The following OTC variants were observed in gnomAD, a reference collection of about 807,000 sequenced individuals.
OTC encodes ornithine transcarbamylase.
In OTC, 3 loss-of-function variants were observed where a neutral mutation model predicts 30.3. The ratio of observed to expected loss-of-function variants is 0.10; its 90% CI spans 0.05 to 0.26. The LOEUF (loss-of-function observed/expected upper bound fraction) is 0.26. OTC is among the 10% of genes least tolerant of loss of function. The pLI, the probability that OTC is intolerant of heterozygous loss-of-function variation, is 1.00. For missense variants in OTC, 194 were observed against 260.3 expected (o/e 0.75, Z 1.75); for synonymous variants, 111 against 99.7 (o/e 1.11, Z -0.67).
intron 4 of OTC, among the ~76,000 whole-genome samples, chrX:38,394,304 A>G (rs2068443847): frequency 8.9e-6 from 1 of 112,530 alleles, no homozygotes; most frequent in African/African-American, 3.2e-5. Flanking sequence ...CTTTTATAAC[A>G]GTTAAAATAA....
intron 8 of OTC, among the ~76,000 whole-genome samples, chrX:38,411,162 T>C (rs1327584539): frequency 1.8e-5 from 2 of 110,781 alleles, no homozygotes; most frequent in African/African-American, 6.5e-5. Flanking sequence ...AAAATAATAA[T>C]TTGGAGATCA....
chrX:38,367,506 G>A, intron 2 of OTC, 77 bp downstream of exon 2: 4 of 881,469 alleles, frequency 4.5e-6, no homozygotes, highest in Middle Eastern at 3.5e-4. Flanking sequence ...AAGAAAGAGG[G>A]AAAAAAATAC....
chrX:38,373,940 G>A (rs973829475), intron 3 of OTC, among the ~76,000 whole-genome samples: 2 of 111,899 alleles, frequency 1.8e-5, no homozygotes, highest in African/African-American at 3.3e-5. Flanking sequence ...CGAGGCAGGT[G>A]GATCACGAGG....
intron 6 of OTC, among the ~76,000 whole-genome samples, chrX:38,404,040 G>A (rs2068504148): frequency 8.9e-6 from 1 of 112,268 alleles, no homozygotes; most frequent in South Asian, 3.7e-4. Context: ...GACTGGCATT[G>A]TGCATTACCA....
At chrX:38,331,831 C>G in the OTC span, among the ~76,000 whole-genome samples, 1 of 111,185 alleles carries the variant, frequency 9.0e-6, no homozygotes, top group African/African-American at 3.3e-5. Flanking sequence ...ATCCGCCTAC[C>G]TCAGCCTCCT....
At chrX:38,339,431 G>A in the OTC span, among the ~76,000 whole-genome samples, 1 of 110,065 alleles carries the variant, frequency 9.1e-6, no homozygotes, top group Non-Finnish European at 1.9e-5. Context: ...TAGGTTCAGA[G>A]GTACATGTTC....
At chrX:38,354,753 G>T (rs1435551256) in intron 1 of OTC, among the ~76,000 whole-genome samples, 1 of 111,633 alleles carries the variant, frequency 9.0e-6, no homozygotes, top group Admixed American at 9.6e-5. Flanking sequence ...ATTGAAAAAT[G>T]AGATAATGTT....
intron 4 of OTC, among the ~76,000 whole-genome samples, chrX:38,383,730 G>A (rs1287193892): frequency 9.1e-6 from 1 of 109,575 alleles, no homozygotes; most frequent in Non-Finnish European, 1.9e-5. Context: ...CTCGGGAGGC[G>A]GAGGTTGCAG....
At chrX:38,334,942 T>C in the OTC span, among the ~76,000 whole-genome samples, 1,974 of 111,802 alleles carry the variant, frequency 0.018, 41 homozygotes, top group African/African-American at 0.061. Context: ...TAGTGAACTG[T>C]GCATGTGAGG....
intron 3 of OTC, among the ~76,000 whole-genome samples, chrX:38,374,374 A>G (rs1224483765): frequency 9.1e-6 from 1 of 109,464 alleles, no homozygotes; most frequent in African/African-American, 3.3e-5. Context: ...GATGCCCCTC[A>G]TAAGCACGTA....
chrX:38,415,754 C>T (rs946592232), intron 9 of OTC, among the ~76,000 whole-genome samples: 3 of 111,713 alleles, frequency 2.7e-5, no homozygotes, highest in African/African-American at 9.8e-5. Context: ...ACTCAGGAGG[C>T]TGAGGCAGGA....
intron 1 of OTC, among the ~76,000 whole-genome samples, chrX:38,353,396 GA>G (rs1423279737): frequency 6.3e-5 from 3 of 47,908 alleles, no homozygotes; most frequent in African/African-American, 7.2e-5. Context: ...GTGGGGAAGG[GA>G]AAGGGGAAGG....
chrX:38,331,139 C>G, the OTC span, among the ~76,000 whole-genome samples: 1 of 112,016 alleles, frequency 8.9e-6, no homozygotes, highest in African/African-American at 3.2e-5. Context: ...GGTCAATAAA[C>G]CTATAAAAAT....
chrX:38,416,835 C>T (rs1241929260), intron 9 of OTC, among the ~76,000 whole-genome samples: 1 of 112,199 alleles, frequency 8.9e-6, no homozygotes, highest in African/African-American at 3.2e-5. Flanking sequence ...ATAAGGTTGA[C>T]ACAATCCATA....
rs2068544820 is a variant in OTC, at chrX:38,411,883, G to A, written c.889G>A (p.Asp297Asn). Reference protein sequence around the residue: ...TMKTAKVAASDWTFLHCLPRK... With the variant: ...TMKTAKVAASNWTFLHCLPRK... ...TTAGACTGCTAAAGTTGCTGCCTCT[G>A]ACTGGACATTTTTACACTGCTTGCC... Residue 297 changes from aspartate (D) to asparagine (N), a missense_variant, in exon 9 of 10, where the codon GAC becomes AAC. Transcript: ENST00000039007. The A allele has an allele frequency of 1.7e-6, 2 of 1,211,246 alleles. No homozygotes were observed. The highest frequency in any genetic ancestry group is 2.2e-5 in the Admixed American group (1 of 46,006).
chrX:38,421,787 A>G (rs1448931166), downstream of OTC, among the ~76,000 whole-genome samples: 4 of 111,696 alleles, frequency 3.6e-5, no homozygotes. Flanking sequence ...GGATACCTAG[A>G]GTAGCATTTT....
intron 3 of OTC, among the ~76,000 whole-genome samples, chrX:38,371,773 A>C (rs1043953153): frequency 8.9e-6 from 1 of 112,066 alleles, no homozygotes; most frequent in African/African-American, 3.2e-5. Context: ...CCTAGGAAGA[A>C]AACAGATAAG....
At position 38,421,333 on chromosome X, in the gene OTC, T is replaced by C. The variant is rs2068594718; in HGVS notation, c.*251T>C. The C allele has an allele frequency of 2.8e-6, 1 of 351,663 alleles. No homozygotes were observed. The highest frequency in any genetic ancestry group is 3.7e-5 in the South Asian group (1 of 27,045). The allele number at this position is 351,663 out of a possible 1,213,427, so 29.0% of individuals were successfully genotyped here. On this transcript the variant is annotated 3_prime_UTR_variant, in exon 10 of 10. Coordinates refer to ENST00000039007, the MANE Select transcript of OTC (RefSeq NM_000531.6). The stretch of plus-strand genomic sequence containing the variant: ...TTCTGAGTTACATTTAGATATCATA[T>C]TAATTATCATATACATTTACTTCAA...
chrX:38,379,013 T>G (rs56971524), intron 3 of OTC, among the ~76,000 whole-genome samples: 29,420 of 110,341 alleles, frequency 0.27, 3,433 homozygotes, highest in African/African-American at 0.41. Flanking sequence ...TTATCAGCTT[T>G]CCCAGATGTA....
Sources: allele counts gnomAD v4.1 joint callset (sites outside exome capture counted in the v4.1 genomes callset), GRCh38; gene constraint gnomAD v4.1.1; transcripts MANE v1.5; gene names NCBI Gene and HGNC (gene_info 2026-07-23, HGNC 2026-07-21).